TYW1: variants seen among roughly 807,000 people sequenced by gnomAD.
The protein encoded by TYW1 is tRNA-yW synthesizing protein 1 homolog.
In TYW1, 46 loss-of-function variants were observed where a neutral mutation model predicts 96.2. That is an observed-to-expected ratio of 0.48 (90% CI 0.38 to 0.61). The LOEUF (loss-of-function observed/expected upper bound fraction) is 0.61, where lower values mean the gene tolerates loss of function less well. TYW1 is among the 20% of genes least tolerant of loss of function. The pLI is 0.00. For missense variants in TYW1, 684 were observed against 909.6 expected, an observed-to-expected ratio of 0.75 and a Z score of 3.19; for synonymous variants, 274 against 323.0, an observed-to-expected ratio of 0.85 and a Z score of 1.63.
chr7:67,139,758 TG>T (rs1209591422), intron 13 of TYW1, among the ~76,000 whole-genome samples: 45 of 151,764 alleles, frequency 3.0e-4, no homozygotes, highest in East Asian at 2.3e-3. Flanking sequence ...TGTGTGTGTG[TG>T]TGTGTGTGTG....
chr7:67,131,723 C>T (rs141388544), intron 13 of TYW1, among the ~76,000 whole-genome samples: 5,129 of 152,244 alleles, frequency 0.034, 258 homozygotes, highest in African/African-American at 0.12. Flanking sequence ...GCCAGGAAGC[C>T]GTTCCAAGTC....
chr7:67,180,386 T>TATATATATATA (rs1799797667), intron 13 of TYW1, among the ~76,000 whole-genome samples: 1 of 111,588 alleles, frequency 9.0e-6, no homozygotes, highest in East Asian at 2.3e-4. Flanking sequence ...AGCTGTTGGT[T>TATATATATATA]TATATATATA....
intron 15 of TYW1, among the ~76,000 whole-genome samples, chr7:67,200,461 GAA>G (rs1274149981): frequency 1.3e-5 from 2 of 152,044 alleles, no homozygotes; most frequent in East Asian, 3.9e-4. Context: ...AGGGCCAAGC[GAA>G]AGAGGAAACT....
chr7:67,008,650 C>T (rs1184294798), intron 3 of TYW1, among the ~76,000 whole-genome samples: 1 of 152,094 alleles, frequency 6.6e-6, no homozygotes, highest in African/African-American at 2.4e-5. Context: ...TTTCACTCTT[C>T]ACTCTTTCTT....
chr7:67,089,476 A>T (rs548698745), intron 11 of TYW1: 2 of 1,064,198 alleles, frequency 1.9e-6, no homozygotes, highest in African/African-American at 1.6e-5. Context: ...AGGAATGCTC[A>T]TTAATTATTT....
At chr7:67,077,802 C>A (rs1359006382) in intron 10 of TYW1, among the ~76,000 whole-genome samples, 1 of 152,150 alleles carries the variant, frequency 6.6e-6, no homozygotes, top group Non-Finnish European at 1.5e-5. Flanking sequence ...AAGTTCTATT[C>A]ATAAAATCAT....
At chr7:67,040,655 G>A (rs971405265) in intron 7 of TYW1, among the ~76,000 whole-genome samples, 9 of 151,930 alleles carry the variant, frequency 5.9e-5, no homozygotes, top group African/African-American at 2.2e-4. Flanking sequence ...GACCAGCCTG[G>A]GCAACATGAC....
chr7:67,200,119 C>T (rs1800542883), intron 15 of TYW1, among the ~76,000 whole-genome samples: 1 of 152,166 alleles, frequency 6.6e-6, no homozygotes, highest in Non-Finnish European at 1.5e-5. Context: ...GTGATCAGTG[C>T]AAAACCAGAC....
chr7:67,177,171 G>A lies in TYW1; in HGVS notation c.1699-5955G>A, dbSNP rs548683706. On this transcript the variant is annotated intron_variant, in intron 13 of 15. Transcript: ENST00000359626. The stretch of plus-strand genomic sequence containing the variant: ...ATTTATTACAGTGGACTATCCATAT[G>A]TTAAATAAGTTTAACTTCTCAACAC... 2.5e-4 allele frequency among the ~76,000 whole-genome samples: 38 copies of A among 152,184 alleles called. No homozygotes were observed. The South Asian group carries it at 7.3e-3, about 29-fold the overall frequency.
chr7:67,138,629 C>T (rs1184502924), intron 13 of TYW1, among the ~76,000 whole-genome samples: 3 of 152,108 alleles, frequency 2.0e-5, no homozygotes, highest in Non-Finnish European at 4.4e-5. Context: ...AACACCCCCA[C>T]TACCCTTCCC....
chr7:67,141,136 C>G (rs774212868), intron 13 of TYW1, among the ~76,000 whole-genome samples: 2 of 152,234 alleles, frequency 1.3e-5, no homozygotes, highest in Non-Finnish European at 2.9e-5. Flanking sequence ...TTCTGTCTCT[C>G]TGACCAGAGA....
intron 9 of TYW1, among the ~76,000 whole-genome samples, chr7:67,057,357 T>C (rs1795552818): frequency 6.6e-6 from 1 of 151,482 alleles, no homozygotes; most frequent in Non-Finnish European, 1.5e-5. Flanking sequence ...TGGTTGATGA[T>C]TGGGAACATT....
At chr7:67,029,437 A>ATATATATATGTGT in intron 7 of TYW1, among the ~76,000 whole-genome samples, 1 of 146,614 alleles carries the variant, frequency 6.8e-6, no homozygotes, top group African/African-American at 2.5e-5. Context: ...ATATATAAAT[A>ATATATATATGTGT]GTATTTTCTA....
chr7:67,053,026 C>T (rs1418905634), intron 8 of TYW1, among the ~76,000 whole-genome samples: 2 of 151,842 alleles, frequency 1.3e-5, no homozygotes, highest in African/African-American at 4.8e-5. Flanking sequence ...CAGGCTTGAG[C>T]CACGGTGCCT....
intron 7 of TYW1, 86 bp downstream of exon 7, chr7:67,025,108 G>C (rs990744558): frequency 4.1e-5 from 63 of 1,534,038 alleles, no homozygotes; most frequent in Non-Finnish European, 4.7e-5. Flanking sequence ...GTCCATCTGA[G>C]CTCACAGAGG....
chr7:67,199,127 G>C (rs891088934), intron 15 of TYW1, among the ~76,000 whole-genome samples: 1 of 151,956 alleles, frequency 6.6e-6, no homozygotes, highest in African/African-American at 2.4e-5. Context: ...AGCCCAGGAG[G>C]TCAAGGCTGC....
chr7:67,122,387 A>G (rs1797785436), intron 13 of TYW1, among the ~76,000 whole-genome samples: 1 of 152,224 alleles, frequency 6.6e-6, no homozygotes, highest in African/African-American at 2.4e-5. Context: ...CAATTTATGT[A>G]TGTGGCCAAT....
intron 8 of TYW1, among the ~76,000 whole-genome samples, chr7:67,053,779 A>G (rs1391688061): frequency 6.6e-6 from 1 of 152,176 alleles, no homozygotes; most frequent in Non-Finnish European, 1.5e-5. Flanking sequence ...ATCCTTGGGT[A>G]GTGTTTCTCT....
At chr7:67,160,561 T>C (rs998842234) in intron 13 of TYW1, among the ~76,000 whole-genome samples, 3 of 148,662 alleles carry the variant, frequency 2.0e-5, no homozygotes, top group Non-Finnish European at 3.0e-5. Context: ...CATATACATA[T>C]ACATATACAC....
Sources: gnomAD v4.1 joint callset for allele counts (sites outside exome capture counted in the v4.1 genomes callset) on GRCh38, gnomAD v4.1.1 for gene constraint, MANE v1.5 for transcripts, NCBI Gene and HGNC (gene_info 2026-07-23, HGNC 2026-07-21) for gene names.